ASTN1: variants seen among roughly 807,000 people sequenced by gnomAD.
ASTN1 encodes the protein astrotactin 1.
In ASTN1, 41 loss-of-function variants were observed where a neutral mutation model predicts 140.7. The observed-to-expected ratio is 0.29, with a 90% CI of 0.23 to 0.38. The LOEUF is 0.38. Among genes scored for constraint, ASTN1 ranks in the 10% least tolerant of loss-of-function variants. ASTN1 has a pLI of 1.00. For missense variants in ASTN1, 1,479 were observed against 1,678.8 expected (o/e 0.88, Z 2.08); for synonymous variants, 640 against 652.2 (o/e 0.98, Z 0.29).
Position 177,009,831 on chromosome 1 carries a change from A to G in ASTN1, c.1523+4960T>C, listed in dbSNP as rs536936567. Among the ~76,000 whole-genome samples, 5 of 152,302 alleles carry G rather than the reference A, an allele frequency of 3.3e-5. No individual in the cohort carries two copies. In the East Asian group the frequency reaches 9.7e-4, roughly 29 times the overall value. On this transcript the variant is annotated intron_variant, in intron 8 of 22. Transcript: ENST00000361833. ...CAGCAGGTCACTTCCCATCTCATGA[A>G]TGATCGCTCTGTCTCCATCCTTCAG...
chr1:177,075,160 G>A (rs1358973436), intron 1 of ASTN1, among the ~76,000 whole-genome samples: 2 of 151,622 alleles, frequency 1.3e-5, no homozygotes, highest in African/African-American at 4.8e-5. Flanking sequence ...TGCAACCTCC[G>A]CCTCCCAGGT....
At chr1:177,020,627 A>T (rs1675776262) in intron 7 of ASTN1, among the ~76,000 whole-genome samples, 1 of 152,176 alleles carries the variant, frequency 6.6e-6, no homozygotes, top group Non-Finnish European at 1.5e-5. Flanking sequence ...CATATGCATC[A>T]CTAATTCTCC....
At chr1:176,877,158 A>G (rs2103020397) in intron 20 of ASTN1, among the ~76,000 whole-genome samples, 1 of 152,238 alleles carries the variant, frequency 6.6e-6, no homozygotes, top group East Asian at 1.9e-4. Flanking sequence ...TGTGAAATGG[A>G]GATGATAATA....
intron 1 of ASTN1, among the ~76,000 whole-genome samples, chr1:177,074,406 G>A (rs1333557408): frequency 6.6e-6 from 1 of 152,114 alleles, no homozygotes; most frequent in Non-Finnish European, 1.5e-5. Context: ...ATCTTAAAGG[G>A]AGGATCTATC....
intron 1 of ASTN1, among the ~76,000 whole-genome samples, chr1:177,130,120 A>G (rs1235064811): frequency 6.6e-6 from 1 of 152,158 alleles, no homozygotes; most frequent in Non-Finnish European, 1.5e-5. Context: ...TCATGGCTAA[A>G]CCTTACTTTG....
chr1:176,960,069 T>G (rs960025440), intron 9 of ASTN1, among the ~76,000 whole-genome samples: 3 of 152,054 alleles, frequency 2.0e-5, no homozygotes, highest in Non-Finnish European at 4.4e-5. Flanking sequence ...AAACACACAG[T>G]TACACACTTC....
intron 2 of ASTN1, among the ~76,000 whole-genome samples, chr1:177,045,045 C>T (rs1677152908): frequency 6.6e-6 from 1 of 151,966 alleles, no homozygotes; most frequent in Non-Finnish European, 1.5e-5. Context: ...CTCTCATTTC[C>T]CTGAAACGTC....
chr1:177,154,694 T>G (rs1683170472), intron 1 of ASTN1, among the ~76,000 whole-genome samples: 1 of 151,876 alleles, frequency 6.6e-6, no homozygotes, highest in Middle Eastern at 3.4e-3. Context: ...TAATAAGCAT[T>G]AGGGAGATTA....
intron 1 of ASTN1, among the ~76,000 whole-genome samples, chr1:177,120,748 G>A (rs1294500216): frequency 6.6e-6 from 1 of 152,096 alleles, no homozygotes; most frequent in East Asian, 1.9e-4. Context: ...GCTATCCTCT[G>A]AGCTGCTGGG....
At chr1:176,921,983 C>T (rs1670743822) in intron 16 of ASTN1, among the ~76,000 whole-genome samples, 1 of 152,118 alleles carries the variant, frequency 6.6e-6, no homozygotes, top group Admixed American at 6.5e-5. Context: ...TGACTGCTTG[C>T]TAGATGCTGT....
chr1:176,890,792 G>T (rs1044902931), intron 17 of ASTN1, among the ~76,000 whole-genome samples: 1 of 152,166 alleles, frequency 6.6e-6, no homozygotes, highest in Non-Finnish European at 1.5e-5. Flanking sequence ...TTGAGCGGCC[G>T]AGGCAGGAGG....
chr1:177,108,347 C>CAAAAAAAAAAAAA (rs71129596), intron 1 of ASTN1, among the ~76,000 whole-genome samples: 11 of 98,508 alleles, frequency 1.1e-4, no homozygotes, highest in East Asian at 3.3e-4. Context: ...GACTCCGTCT[C>CAAAAAAAAAAAAA]AAAAAAAAAA....
At chr1:176,970,278 G>A (rs1193364115) in intron 8 of ASTN1, among the ~76,000 whole-genome samples, 1 of 152,132 alleles carries the variant, frequency 6.6e-6, no homozygotes, top group Non-Finnish European at 1.5e-5. Flanking sequence ...TGATAGCTTG[G>A]GCATTTCTTT....
chr1:177,132,963 G>A (rs995332689), intron 1 of ASTN1, among the ~76,000 whole-genome samples: 1 of 152,184 alleles, frequency 6.6e-6, no homozygotes, highest in Non-Finnish European at 1.5e-5. Flanking sequence ...GATCCAGCAT[G>A]GGTCAGATTC....
At chr1:177,120,001 G>T (rs1681299221) in intron 1 of ASTN1, among the ~76,000 whole-genome samples, 1 of 152,084 alleles carries the variant, frequency 6.6e-6, no homozygotes, top group South Asian at 2.1e-4. Context: ...TCAGGCTCAG[G>T]AACTTGATAA....
chr1:176,956,823 G>A (rs746330875), intron 11 of ASTN1, among the ~76,000 whole-genome samples: 3 of 152,202 alleles, frequency 2.0e-5, no homozygotes, highest in Non-Finnish European at 4.4e-5. Context: ...CCTGCATGGC[G>A]CAGTTCAGTC....
chr1:176,969,453 C>T lies in ASTN1; in HGVS notation c.1524-4216G>A, dbSNP rs180752219. Among the ~76,000 whole-genome samples, 187 of 152,232 alleles carry T rather than the reference C, an allele frequency of 1.2e-3. 3 individuals carry two copies. The South Asian group carries it at 0.014, about 11-fold the overall frequency. ...GAGCAACCTGGACCAATCTCTCGGCCGGGTAAGCAGAGGCTTCTAAAGAGA... is the reference window on the plus strand; with the variant it reads ...GAGCAACCTGGACCAATCTCTCGGCTGGGTAAGCAGAGGCTTCTAAAGAGA... On this transcript the variant is annotated intron_variant, in intron 8 of 22. Coordinates refer to ENST00000361833, the MANE Select transcript of ASTN1 (RefSeq NM_004319.3).
At chr1:177,069,901 G>A (rs1475840012) in intron 1 of ASTN1, among the ~76,000 whole-genome samples, 1 of 151,616 alleles carries the variant, frequency 6.6e-6, no homozygotes, top group Non-Finnish European at 1.5e-5. Context: ...AAAAGGCAGG[G>A]TTATCTGAGC....
intron 17 of ASTN1, among the ~76,000 whole-genome samples, chr1:176,890,801 G>C (rs1302192753): frequency 6.6e-6 from 1 of 152,194 alleles, no homozygotes; most frequent in South Asian, 2.1e-4. Flanking sequence ...CGAGGCAGGA[G>C]GATCACCTGA....
Sources: allele counts gnomAD v4.1 joint callset (sites outside exome capture counted in the v4.1 genomes callset), GRCh38; gene constraint gnomAD v4.1.1; transcripts MANE v1.5; gene names NCBI Gene and HGNC (gene_info 2026-07-23, HGNC 2026-07-21).